Variants in CLPB observed in about 807,000 individuals in gnomAD.
CLPB encodes the protein mitochondrial disaggregase.
In CLPB, 40 loss-of-function variants were observed where a neutral mutation model predicts 78.4. The observed-to-expected ratio is 0.51, with a 90% confidence interval of 0.40 to 0.66. The LOEUF (loss-of-function observed/expected upper bound fraction) is 0.66, where lower values mean the gene tolerates loss of function less well. Ranked by LOEUF, CLPB falls within the 30% of genes least tolerant of loss-of-function variation. CLPB has a pLI of 0.00. For synonymous variants in CLPB, 333 were observed against 348.0 expected (o/e 0.96, Z 0.48); for missense variants, 780 against 886.9 (o/e 0.88, Z 1.53).
intron 3 of CLPB, among the ~76,000 whole-genome samples, chr11:72,383,877 T>C (rs913989715): frequency 2.0e-5 from 3 of 152,148 alleles, no homozygotes; most frequent in Non-Finnish European, 4.4e-5. Context: ...AGGAGAGTGC[T>C]TCATGTTGAA....
chr11:72,297,764 T>C (rs1949582788), intron 11 of CLPB, among the ~76,000 whole-genome samples: 1 of 148,970 alleles, frequency 6.7e-6, no homozygotes, highest in Admixed American at 6.7e-5. Context: ...GCAGAGCTCA[T>C]CCCTAAGGAC....
In CLPB at chr11:72,294,108, T is replaced by G. The variant is rs753795272; in HGVS notation, c.1699A>C (p.Ile567Leu). Residue 567 changes from isoleucine to leucine, a missense_variant, in exon 15 of 16, where the codon ATC becomes CTC. Around this residue, in one of 3 missense-constraint regions of CLPB, gnomAD observed 272 missense variants for 304.0 expected, o/e 0.89. Transcript: ENST00000538039. ...ACCTCGCGGTCCCAGAGCAGCGTGA[T>G]GTTGTGCCTTTGCTTGGCCTGAGAT... ...WAKRAKQRHN[I>L]TLLWDREVAD... The G allele has an allele frequency of 6.2e-7, 1 of 1,614,162 alleles. No homozygotes were observed. The highest frequency in any genetic ancestry group is 8.5e-7 in the Non-Finnish European group (1 of 1,179,994).
intron 3 of CLPB, among the ~76,000 whole-genome samples, chr11:72,387,123 A>G (rs1393544186): frequency 6.6e-6 from 1 of 152,224 alleles, no homozygotes; most frequent in African/African-American, 2.4e-5. Context: ...TTAATTATAT[A>G]TAATTATAAC....
intron 3 of CLPB, among the ~76,000 whole-genome samples, chr11:72,389,351 G>A (rs1265522351): frequency 6.6e-6 from 1 of 152,202 alleles, no homozygotes; most frequent in Non-Finnish European, 1.5e-5. Context: ...TACTGGAGCT[G>A]ATCCATTAAA....
intron 3 of CLPB, among the ~76,000 whole-genome samples, chr11:72,389,387 C>T (rs1280654659): frequency 6.6e-6 from 1 of 152,178 alleles, no homozygotes; most frequent in Non-Finnish European, 1.5e-5. Context: ...AGCAACTTCT[C>T]CTTTGTTCTG....
At chr11:72,345,855 G>A (rs1950503184) in intron 5 of CLPB, among the ~76,000 whole-genome samples, 2 of 152,214 alleles carry the variant, frequency 1.3e-5, no homozygotes, top group Admixed American at 1.3e-4. Context: ...GACTAGGGGT[G>A]AGAACTGCAA....
chr11:72,308,683 C>T, intron 7 of CLPB, 79 bp from the exon 8 acceptor site: 2 of 1,245,332 alleles, frequency 1.6e-6, no homozygotes, highest in Middle Eastern at 3.7e-4. Context: ...ATAATTATCA[C>T]TAAGTATACA....
At chr11:72,402,887 C>T (rs1243210998) in intron 3 of CLPB, 79 bp downstream of exon 3, 3 of 1,190,260 alleles carry the variant, frequency 2.5e-6, no homozygotes, top group Admixed American at 1.9e-5. Context: ...CAGGGAGGCA[C>T]ACCAGGTGGG....
intron 2 of CLPB, among the ~76,000 whole-genome samples, chr11:72,426,794 A>C (rs1206994834): frequency 2.0e-5 from 3 of 152,210 alleles, no homozygotes; most frequent in Non-Finnish European, 4.4e-5. Flanking sequence ...TTCAGATGAA[A>C]TATAGCCCAC....
rs1949510791 is a variant in CLPB, at chr11:72,294,363, G to C, written c.1642C>G (p.Gln548Glu). The C allele has an allele frequency of 6.2e-7, 1 of 1,614,086 alleles. No homozygotes were observed. Among genetic ancestry groups the C allele is most frequent in the Non-Finnish European group, 8.5e-7 (1 of 1,180,038 alleles). The change falls in exon 14 of 16, where the codon CAA becomes GAA. Residue 548 changes from glutamine to glutamate, a missense_variant. Around this residue, in one of 3 missense-constraint regions of CLPB, gnomAD observed 272 missense variants for 304.0 expected, o/e 0.89. Coordinates refer to ENST00000538039, the MANE Select transcript of CLPB (RefSeq NM_001258392.3). Reference sequence around the variant, plus strand: ...AAGTTTAGTTCCTTGTTGACGAGTTGGATGAGCTCCGAGTGGCAGAAGGGG... The same window carrying C: ...AAGTTTAGTTCCTTGTTGACGAGTTCGATGAGCTCCGAGTGGCAGAAGGGG... ...FLPFCHSELI[Q>E]LVNKELNFWA...
At chr11:72,318,155 C>A (rs979349129) in intron 6 of CLPB, among the ~76,000 whole-genome samples, 7 of 152,248 alleles carry the variant, frequency 4.6e-5, no homozygotes, top group African/African-American at 1.7e-4. Context: ...CAGGCCCTAT[C>A]TTTGACTCAC....
chr11:72,379,826 G>A (rs1268721543), intron 4 of CLPB, among the ~76,000 whole-genome samples: 1 of 152,220 alleles, frequency 6.6e-6, no homozygotes, highest in Admixed American at 6.5e-5. Context: ...AGGGACTTCT[G>A]AGGCTGAGGA....
At chr11:72,414,100 C>T (rs1855953917) in intron 2 of CLPB, among the ~76,000 whole-genome samples, 1 of 152,104 alleles carries the variant, frequency 6.6e-6, no homozygotes, top group Non-Finnish European at 1.5e-5. Context: ...CCAGAGTGAC[C>T]TTCTGGGATC....
At chr11:72,375,265 T>C (rs751853777) in intron 4 of CLPB, among the ~76,000 whole-genome samples, 1 of 152,216 alleles carries the variant, frequency 6.6e-6, no homozygotes, top group Non-Finnish European at 1.5e-5. Flanking sequence ...CCATCTAAAA[T>C]GCAAGTGTGA....
chr11:72,419,906 C>T (rs1482474338), intron 2 of CLPB, among the ~76,000 whole-genome samples: 1 of 152,210 alleles, frequency 6.6e-6, no homozygotes, highest in Non-Finnish European at 1.5e-5. Context: ...TGTCTGACTA[C>T]TGATCTACCA....
At chr11:72,404,297 G>T (rs1855641317) in intron 2 of CLPB, among the ~76,000 whole-genome samples, 1 of 152,220 alleles carries the variant, frequency 6.6e-6, no homozygotes, top group African/African-American at 2.4e-5. Context: ...GGTTTGGGAA[G>T]CTAGGAGGCT....
intron 3 of CLPB, among the ~76,000 whole-genome samples, chr11:72,389,409 C>T (rs1355705429): frequency 1.3e-5 from 2 of 152,222 alleles, no homozygotes; most frequent in Non-Finnish European, 2.9e-5. Context: ...TGCTGGCATA[C>T]TGGCTGCCAT....
At chr11:72,379,905 C>T (rs981574900) in intron 4 of CLPB, among the ~76,000 whole-genome samples, 3 of 152,126 alleles carry the variant, frequency 2.0e-5, no homozygotes, top group Non-Finnish European at 2.9e-5. Flanking sequence ...AAACAGGAGA[C>T]GAACAAATCC....
chr11:72,387,154 C>T (rs180708873), intron 3 of CLPB, among the ~76,000 whole-genome samples: 175 of 152,212 alleles, frequency 1.1e-3, no homozygotes, highest in Middle Eastern at 3.4e-3. Context: ...AAATAAGATT[C>T]TCCATTGAAG....
Sources: allele counts gnomAD v4.1 joint callset (sites outside exome capture counted in the v4.1 genomes callset), GRCh38; gene constraint gnomAD v4.1.1; regional missense constraint gnomAD v4.1.1; transcripts MANE v1.5; gene names NCBI Gene and HGNC (gene_info 2026-07-23, HGNC 2026-07-21).